The following CLSTN1 variants were observed in gnomAD, a reference collection of about 807,000 sequenced individuals.
CLSTN1 encodes the protein calsyntenin-1.
In CLSTN1, 28 loss-of-function variants were observed where a neutral mutation model predicts 108.3. The ratio of observed to expected loss-of-function variants is 0.26; its 90% CI spans 0.19 to 0.35. The LOEUF is 0.35. Ranked by LOEUF, CLSTN1 falls within the 10% of genes least tolerant of loss-of-function variation. The probability of loss-of-function intolerance (pLI) is 1.00; values close to 1 mark genes in which losing one functional copy is unlikely to be tolerated. For missense variants in CLSTN1, 1,157 were observed against 1,302.6 expected (o/e 0.89, Z 1.72); for synonymous variants, 524 against 534.9 (o/e 0.98, Z 0.28).
intron 8 of CLSTN1, 138 bp downstream of exon 8, chr1:9,744,257 C>T (rs150943878): frequency 0.016 from 21,234 of 1,312,842 alleles, 227 homozygotes; most frequent in Non-Finnish European, 0.02. Flanking sequence ...GAACCAAGTG[C>T]CCCAGGCACA....
At chr1:9,773,191 C>A in intron 2 of CLSTN1, 81 bp downstream of exon 2, 2 of 1,577,320 alleles carry the variant, frequency 1.3e-6, no homozygotes, top group Non-Finnish European at 1.7e-6. Context: ...CAGAAACGCT[C>A]AGCATTACCC....
At chr1:9,796,438 A>G (rs552424526) in intron 1 of CLSTN1, among the ~76,000 whole-genome samples, 36 of 150,506 alleles carry the variant, frequency 2.4e-4, no homozygotes, top group African/African-American at 8.5e-4. Flanking sequence ...GCACTTTGGG[A>G]GGCCGAAGCG....
intron 2 of CLSTN1, among the ~76,000 whole-genome samples, chr1:9,766,069 G>C (rs1652315300): frequency 6.6e-6 from 1 of 152,036 alleles, no homozygotes; most frequent in Admixed American, 6.6e-5. Flanking sequence ...CTCCTCGGTG[G>C]GCTCTAACTG....
intron 1 of CLSTN1, among the ~76,000 whole-genome samples, chr1:9,798,076 A>G (rs1377153949): frequency 6.9e-6 from 1 of 144,118 alleles, no homozygotes; most frequent in Non-Finnish European, 1.5e-5. Flanking sequence ...CCTGGGCAAC[A>G]GAGGGAGCGA....
At chr1:9,743,780 A>G (rs1247195707) in intron 9 of CLSTN1, 104 bp downstream of exon 9, 17 of 1,356,932 alleles carry the variant, frequency 1.3e-5, no homozygotes, top group Non-Finnish European at 3.1e-6. Context: ...CTGGTCTCGA[A>G]CCCCTGGGCT....
intron 1 of CLSTN1, among the ~76,000 whole-genome samples, chr1:9,784,655 C>G (rs1204802580): frequency 6.6e-6 from 1 of 152,212 alleles, no homozygotes; most frequent in Non-Finnish European, 1.5e-5. Flanking sequence ...GATGATGTTA[C>G]AGGTTTCATT....
Position 9,729,012 on chromosome 1 carries a change from C to T in CLSTN1, c.*1496G>A, listed in dbSNP as rs1022156678. 2 of 152,200 alleles carry T rather than the reference C, an allele frequency of 1.3e-5. No homozygotes were observed. The highest frequency in any genetic ancestry group is 2.9e-5 in the Non-Finnish European group (2 of 68,044). The allele number at this position is 152,200 out of a possible 1,614,324, so 9.4% of individuals were successfully genotyped here. ...CCAAAACAGGAGAGAAGACAAACCC[C>T]GCTCCGGCTGGAGTTAGTTAGAACC... On this transcript the variant is annotated 3_prime_UTR_variant, in exon 19 of 19. Coordinates refer to ENST00000377298, the MANE Select transcript of CLSTN1 (RefSeq NM_001009566.3).
Position 9,734,193 on chromosome 1 carries a change from C to A in CLSTN1, c.2111-51G>T. On this transcript the variant is annotated intron_variant, in intron 14 of 18. Coordinates refer to ENST00000377298, the MANE Select transcript of CLSTN1 (RefSeq NM_001009566.3). The surrounding 1 kb of genome is among the most constrained non-coding windows in gnomAD (Gnocchi z 4.8). ...ATTAAGTAGGGGCAGTGGGGCCCAG[C>A]GTGGCGGGGCACACTGGATGCCCTG... The A allele has an allele frequency of 6.3e-7, 1 of 1,579,836 alleles. No homozygotes were observed. The highest frequency in any genetic ancestry group is 8.7e-7 in the Non-Finnish European group (1 of 1,154,808).
At chr1:9,748,231 T>G (rs1394018864) in intron 7 of CLSTN1, among the ~76,000 whole-genome samples, 1 of 152,286 alleles carries the variant, frequency 6.6e-6, no homozygotes, top group African/African-American at 2.4e-5. Flanking sequence ...GTCAACTAAA[T>G]GTTCTTCCCT....
intron 1 of CLSTN1, among the ~76,000 whole-genome samples, chr1:9,781,465 C>T (rs1016789162): frequency 4.0e-5 from 6 of 148,308 alleles, no homozygotes; most frequent in Non-Finnish European, 5.9e-5. Flanking sequence ...TTTTTTGAGG[C>T]GGAGTTTCGC....
Position 9,730,676 on chromosome 1 carries a change from C to G in CLSTN1, c.2778G>C (p.Glu926Asp), listed in dbSNP as rs2101068670. The G allele has an allele frequency of 6.2e-7, 1 of 1,609,134 alleles. No individual in the cohort carries two copies. Among genetic ancestry groups the G allele is most frequent in the Middle Eastern group, 1.7e-4 (1 of 6,060 alleles). The change falls in exon 19 of 19, where the codon GAG becomes GAC. Residue 926 changes from glutamate to aspartate, a missense_variant. Glu to Asp is a conservative substitution (Grantham distance 45, BLOSUM62 2). Transcript: ENST00000377298. The surrounding 1 kb of genome is among the most constrained non-coding windows in gnomAD (Gnocchi z 5.6). ...CCTCTTCCTCTTCCTCTTCCTCCTC[C>G]TCCTCACTGCTGTGCTGGTCCTCAT... Reference protein sequence around the residue: ...ETYEDQHSSEEEEEEEEEEES... With the variant: ...ETYEDQHSSEDEEEEEEEEES...
At chr1:9,780,963 G>A in intron 1 of CLSTN1, 1 of 454,110 alleles carries the variant, frequency 2.2e-6, no homozygotes, top group Non-Finnish European at 3.9e-6. Context: ...CACATGAGGT[G>A]TGGAATTTTC....
At position 9,730,791 on chromosome 1, in the gene CLSTN1, AAGG is replaced by A. The variant is rs1650332447; in HGVS notation, c.2749-89_2749-87del. 1.5e-6 allele frequency: 2 copies of A among 1,302,038 alleles called. No homozygotes were observed. The highest frequency in any genetic ancestry group is 2.1e-6 in the Non-Finnish European group (2 of 934,986). The allele number at this position is 1,302,038 out of a possible 1,614,324, so 80.7% of individuals were successfully genotyped here. On this transcript the variant is annotated intron_variant, in intron 18 of 18. Coordinates refer to ENST00000377298, the MANE Select transcript of CLSTN1 (RefSeq NM_001009566.3). This position sits in a 1 kb window ranked among gnomAD's most constrained non-coding sequence, Gnocchi z 5.6. ...ATTCTCCTCTCGACAGCCACAGAGG[AAGG>A]AGAACTTGCCCCAGCGTCTCCCTCC...
intron 1 of CLSTN1, among the ~76,000 whole-genome samples, chr1:9,803,685 C>T (rs923537117): frequency 2.0e-5 from 3 of 152,116 alleles, no homozygotes; most frequent in African/African-American, 4.8e-5. Context: ...TGCCTGTAAT[C>T]CCAGCTACTT....
chr1:9,737,275 T>G (rs1467735333), intron 11 of CLSTN1, among the ~76,000 whole-genome samples: 1 of 151,912 alleles, frequency 6.6e-6, no homozygotes, highest in Non-Finnish European at 1.5e-5. Flanking sequence ...GGAAGTCCCA[T>G]GCATGCACTG....
At chr1:9,743,721 T>TG (rs200077666) in intron 9 of CLSTN1, among the ~76,000 whole-genome samples, 163 bp downstream of exon 9, 1 of 147,926 alleles carries the variant, frequency 6.8e-6, no homozygotes, top group African/African-American at 2.6e-5. Flanking sequence ...CTAATTTTCG[T>TG]GGGTTTTTTT....
At chr1:9,819,364 C>T (rs1655108700) in intron 1 of CLSTN1, among the ~76,000 whole-genome samples, 1 of 152,098 alleles carries the variant, frequency 6.6e-6, no homozygotes, top group Non-Finnish European at 1.5e-5. Flanking sequence ...TCATTTTAAA[C>T]ATTTAGACTT....
At chr1:9,817,529 T>C (rs1655021541) in intron 1 of CLSTN1, among the ~76,000 whole-genome samples, 2 of 151,966 alleles carry the variant, frequency 1.3e-5, no homozygotes, top group Admixed American at 1.3e-4. Flanking sequence ...GGTTTCTCCA[T>C]GTTGGTCAGG....
chr1:9,790,052 C>A (rs1653691173), intron 1 of CLSTN1, among the ~76,000 whole-genome samples: 1 of 151,390 alleles, frequency 6.6e-6, no homozygotes. Flanking sequence ...TATTTAATAT[C>A]ATCAAATACC....
Sources: allele counts gnomAD v4.1 joint callset (sites outside exome capture counted in the v4.1 genomes callset), GRCh38; gene constraint gnomAD v4.1.1; non-coding constraint Gnocchi (gnomAD v3.1); transcripts MANE v1.5; gene names NCBI Gene and HGNC (gene_info 2026-07-23, HGNC 2026-07-21).